The following MCM9 variants were observed in gnomAD, a reference collection of about 807,000 sequenced individuals.
MCM9 encodes DNA helicase MCM9.
MCM9 carries 55 observed loss-of-function variants against 72.8 expected under a neutral mutation model. That is an observed-to-expected ratio of 0.76 (90% CI 0.61 to 0.95). The LOEUF is 0.95. Ranked by LOEUF, MCM9 falls within the 40% of genes least tolerant of loss-of-function variation. The pLI, the probability that MCM9 is intolerant of heterozygous loss-of-function variation, is 0.00. For synonymous variants in MCM9, 480 were observed against 503.4 expected, an observed-to-expected ratio of 0.95 and a Z score of 0.62; for missense variants, 1,279 against 1,377.0, an observed-to-expected ratio of 0.93 and a Z score of 1.13.
intron 3 of MCM9, among the ~76,000 whole-genome samples, chr6:118,930,686 G>A (rs1782348521): frequency 6.6e-6 from 1 of 152,222 alleles, no homozygotes; most frequent in Admixed American, 6.5e-5. Flanking sequence ...GGTTAGGCGT[G>A]TAGCCTTTAA....
chr6:118,930,355 G>A (rs1022435508), intron 3 of MCM9, among the ~76,000 whole-genome samples: 2 of 152,074 alleles, frequency 1.3e-5, no homozygotes, highest in Admixed American at 6.6e-5. Context: ...CTTGCGATCT[G>A]CCCGCCTTGG....
rs140405408 is a variant in MCM9, at chr6:118,867,364, T to C, written c.1151-10819A>G. Among the ~76,000 whole-genome samples the C allele has an allele frequency of 2.0e-5, 3 of 152,288 alleles. No individual in the cohort carries two copies. In the East Asian group the frequency reaches 5.8e-4, roughly 29 times the overall value. On this transcript the variant is annotated intron_variant, in intron 8 of 13. Coordinates refer to ENST00000619706, the MANE Select transcript of MCM9 (RefSeq NM_017696.3). ...GCTGTAACACAAAGCATTACTTGTG[T>C]TTGTGGTGATGCTGGTGTAAACAAA...
intron 8 of MCM9, among the ~76,000 whole-genome samples, chr6:118,894,676 G>A (rs757285334): frequency 6.6e-6 from 1 of 152,240 alleles, no homozygotes; most frequent in Non-Finnish European, 1.5e-5. Context: ...GACGACGGCC[G>A]CCGAGGCGCG....
At chr6:118,859,663 C>T (rs545861987) in intron 8 of MCM9, among the ~76,000 whole-genome samples, 4 of 152,280 alleles carry the variant, frequency 2.6e-5, no homozygotes, top group East Asian at 1.9e-4. Context: ...AGATTTTCTG[C>T]GAGTTTTACC....
At chr6:118,823,959 G>A (rs1453062161) in intron 13 of MCM9, among the ~76,000 whole-genome samples, 1 of 144,346 alleles carries the variant, frequency 6.9e-6, no homozygotes, top group African/African-American at 2.6e-5. Context: ...CAGAAAAAAA[G>A]CCCCCAAAAT....
At position 118,891,159 on chromosome 6, in the gene MCM9, G is replaced by A. The variant is rs148960615; in HGVS notation, c.1150+20491C>T. 6.3e-3 allele frequency among the ~76,000 whole-genome samples: 963 copies of A among 152,216 alleles called. 6 individuals carry two copies. Among genetic ancestry groups the A allele is most frequent in the African/African-American group, 0.022 (905 of 41,526 alleles). On this transcript the variant is annotated intron_variant, in intron 8 of 13. Transcript: ENST00000619706. The stretch of plus-strand genomic sequence containing the variant: ...TCCATGCAAGTAAGCTGCATCTTGT[G>A]TCTTCAGAATTCAAGCTATATGCCC...
Position 118,931,497 on chromosome 6 carries a change from G to A in MCM9, c.227C>T (p.Ser76Leu), listed in dbSNP as rs771165701. The change falls in exon 3 of 14, where the codon TCA (serine) becomes TTA (leucine). Residue 76 changes from serine to leucine, a missense_variant. Coordinates refer to ENST00000619706, the MANE Select transcript of MCM9 (RefSeq NM_017696.3). ...AAGGGACTGGAGAATTGTCAAGGCT[G>A]ACCTTCGCAGTGCACTATCAAAAAT... The part of the protein sequence containing the change: ...LTIFDSALRR[S>L]ALTILQSLSQ... 4.3e-6 allele frequency: 7 copies of A among 1,614,054 alleles called. No individual in the cohort carries two copies. Among genetic ancestry groups the A allele is most frequent in the African/African-American group, 1.3e-5 (1 of 74,930 alleles).
chr6:118,864,340 C>T (rs145207391), intron 8 of MCM9, among the ~76,000 whole-genome samples: 77,626 of 151,908 alleles, frequency 0.51, 21,178 homozygotes, highest in East Asian at 0.65. Context: ...TATAAAGACA[C>T]GTACAGATTA....
At position 118,923,082 on chromosome 6, in the gene MCM9, C is replaced by T. The variant is rs1781572207; in HGVS notation, c.621+729G>A. Among the ~76,000 whole-genome samples, 5 of 137,990 alleles carry T rather than the reference C, an allele frequency of 3.6e-5. No individual in the cohort carries two copies. The South Asian group carries it at 1.2e-3, about 33-fold the overall frequency. The allele number at this position is 137,990 out of a possible 152,430, so 90.5% of individuals were successfully genotyped here. On this transcript the variant is annotated intron_variant, in intron 4 of 13. Coordinates refer to ENST00000619706, the MANE Select transcript of MCM9 (RefSeq NM_017696.3). ...AGAAAAGAATGGTTGAATAGAAAGA[C>T]AGGAGTCTGAGTTCTCAACAGTGAA...
chr6:118,851,387 A>G (rs1351868213), intron 9 of MCM9, among the ~76,000 whole-genome samples: 1 of 151,982 alleles, frequency 6.6e-6, no homozygotes. Context: ...TTCAAGATGG[A>G]GAAATAAAAG....
chr6:118,839,055 T>C (rs1002974751), intron 9 of MCM9, among the ~76,000 whole-genome samples: 1 of 152,198 alleles, frequency 6.6e-6, no homozygotes, highest in African/African-American at 2.4e-5. Flanking sequence ...CACTTTCAGG[T>C]ACACCAATCA....
chr6:118,834,169 C>T (rs997311551), intron 9 of MCM9, among the ~76,000 whole-genome samples: 1 of 152,168 alleles, frequency 6.6e-6, no homozygotes, highest in Non-Finnish European at 1.5e-5. Flanking sequence ...CAGCTTCACT[C>T]ATGTCCCTGC....
intron 7 of MCM9, chr6:118,912,037 G>C (rs1326096624): frequency 9.1e-6 from 2 of 219,742 alleles, no homozygotes; most frequent in African/African-American, 4.6e-5. Flanking sequence ...AAATATCTGG[G>C]GCCAGGTGCG....
intron 1 of MCM9, among the ~76,000 whole-genome samples, chr6:118,933,582 T>A (rs1395601533): frequency 6.6e-6 from 1 of 152,130 alleles, no homozygotes; most frequent in Non-Finnish European, 1.5e-5. Flanking sequence ...TACTTAAATT[T>A]GACTTACTTC....
At chr6:118,848,325 A>G (rs1260502894) in intron 9 of MCM9, among the ~76,000 whole-genome samples, 1 of 151,896 alleles carries the variant, frequency 6.6e-6, no homozygotes, top group African/African-American at 2.4e-5. Context: ...AAAGTTCCCA[A>G]GTGAGGAGAA....
At chr6:118,877,089 C>G (rs1192186216) in intron 8 of MCM9, among the ~76,000 whole-genome samples, 1 of 152,186 alleles carries the variant, frequency 6.6e-6, no homozygotes, top group Non-Finnish European at 1.5e-5. Flanking sequence ...CCTAAGCAAC[C>G]TACAGAGAGG....
At chr6:118,901,632 T>C (rs536989783) in intron 8 of MCM9, among the ~76,000 whole-genome samples, 4 of 152,326 alleles carry the variant, frequency 2.6e-5, no homozygotes, top group Admixed American at 6.5e-5. Context: ...CCATGTTAAA[T>C]TGCTATATGG....
intron 9 of MCM9, among the ~76,000 whole-genome samples, chr6:118,848,336 A>G (rs1198700525): frequency 6.6e-6 from 1 of 151,888 alleles, no homozygotes; most frequent in Non-Finnish European, 1.5e-5. Flanking sequence ...GTGAGGAGAA[A>G]TGAGGCTGTA....
At chr6:118,920,260 A>G (rs1781324901) in intron 5 of MCM9, 1 of 152,224 alleles carries the variant, frequency 6.6e-6, no homozygotes. Context: ...GCAATCCATA[A>G]TCAAAGCTGT....
Sources: gnomAD v4.1 joint callset for allele counts (sites outside exome capture counted in the v4.1 genomes callset) on GRCh38, gnomAD v4.1.1 for gene constraint, MANE v1.5 for transcripts, NCBI Gene and HGNC (gene_info 2026-07-23, HGNC 2026-07-21) for gene names.